Variants in LYPLAL1 observed in about 807,000 individuals in gnomAD.
LYPLAL1 encodes lysophospholipase-like protein 1.
LYPLAL1 carries 23 observed loss-of-function variants against 19.7 expected under a neutral mutation model. The observed-to-expected ratio is 1.17, with a 90% confidence interval of 0.84 to 1.65. The LOEUF (loss-of-function observed/expected upper bound fraction) is 1.65. Among genes scored for constraint, LYPLAL1 ranks in the 40% most tolerant of loss-of-function variants. LYPLAL1 has a pLI of 0.00. For synonymous variants in LYPLAL1, 119 were observed against 96.3 expected (o/e 1.24, Z -1.38); for missense variants, 355 against 279.4 (o/e 1.27, Z -1.93).
the LYPLAL1 span, chr1:219,409,969 T>A: frequency 1.3e-5 from 2 of 152,232 alleles, no homozygotes; most frequent in African/African-American, 4.8e-5. Context: ...AGCCACTACA[T>A]TTGTACCGTT....
chr1:219,252,822 CCTT>C, the LYPLAL1 span, among the ~76,000 whole-genome samples: 1 of 152,024 alleles, frequency 6.6e-6, no homozygotes, highest in Non-Finnish European at 1.5e-5. Context: ...AGGAGTCCCT[CCTT>C]TCCAGTTTTT....
At chr1:219,409,329 G>A in the LYPLAL1 span, among the ~76,000 whole-genome samples, 1 of 151,980 alleles carries the variant, frequency 6.6e-6, no homozygotes, top group African/African-American at 2.4e-5. Flanking sequence ...CATGCCTGTA[G>A]TCCCAGTTAC....
chr1:219,381,754 A>C, the LYPLAL1 span, among the ~76,000 whole-genome samples: 1 of 152,226 alleles, frequency 6.6e-6, no homozygotes, highest in Non-Finnish European at 1.5e-5. Context: ...TCATTCATTC[A>C]AATACTAATG....
the LYPLAL1 span, among the ~76,000 whole-genome samples, chr1:219,419,141 A>C: frequency 3.3e-5 from 5 of 152,220 alleles, no homozygotes; most frequent in Non-Finnish European, 7.3e-5. Flanking sequence ...GTGTGGACAT[A>C]AGTTCTCAAC....
the LYPLAL1 span, among the ~76,000 whole-genome samples, chr1:219,312,315 A>C: frequency 6.6e-6 from 1 of 152,154 alleles, no homozygotes; most frequent in Non-Finnish European, 1.5e-5. Flanking sequence ...TTTGCCAGGG[A>C]CCTCAAGTAT....
chr1:219,190,723 T>A (rs1414523571), intron 2 of LYPLAL1, among the ~76,000 whole-genome samples: 1 of 149,652 alleles, frequency 6.7e-6, no homozygotes, highest in African/African-American at 2.4e-5. Context: ...AACAAATATT[T>A]GTCAATAATA....
rs1035955912 is a variant in LYPLAL1, at chr1:219,195,027, A to G, written c.361+1776A>G. Among the ~76,000 whole-genome samples the G allele has an allele frequency of 5.3e-5, 8 of 152,078 alleles. No homozygotes were observed. The East Asian group carries it at 1.3e-3, about 26-fold the overall frequency. The stretch of plus-strand genomic sequence containing the variant: ...ACGTGATGGCATAATGGTGACAAAA[A>G]TGAGTTCAAATCTACAGTCCACCAC... On this transcript the variant is annotated intron_variant, in intron 3 of 4. Coordinates refer to ENST00000366928, the MANE Select transcript of LYPLAL1 (RefSeq NM_138794.5).
At chr1:219,185,913 A>T (rs1056622416) in intron 2 of LYPLAL1, among the ~76,000 whole-genome samples, 2 of 151,876 alleles carry the variant, frequency 1.3e-5, no homozygotes, top group African/African-American at 4.8e-5. Flanking sequence ...TCATTAGTTA[A>T]AAGACTGCTT....
chr1:219,395,385 G>GT, the LYPLAL1 span, among the ~76,000 whole-genome samples: 13 of 151,948 alleles, frequency 8.6e-5, no homozygotes, highest in South Asian at 2.1e-4. Flanking sequence ...GTGATATTGT[G>GT]TTTTTTTTCT....
chr1:219,297,758 A>C, the LYPLAL1 span, among the ~76,000 whole-genome samples: 1 of 152,210 alleles, frequency 6.6e-6, no homozygotes. Context: ...GACATTTCCC[A>C]GATTCTCTGG....
At chr1:219,381,368 T>C in the LYPLAL1 span, among the ~76,000 whole-genome samples, 6 of 152,222 alleles carry the variant, frequency 3.9e-5, no homozygotes, top group Admixed American at 3.3e-4. Flanking sequence ...CAGTCTCAAG[T>C]AGGTCTTTAT....
At chr1:219,213,102 C>T (rs1035030456), downstream of LYPLAL1, among the ~76,000 whole-genome samples, 1 of 151,936 alleles carries the variant, frequency 6.6e-6, no homozygotes, top group Non-Finnish European at 1.5e-5. Flanking sequence ...TATATTGTGG[C>T]TTAATTTACA....
At chr1:219,365,403 G>T in the LYPLAL1 span, among the ~76,000 whole-genome samples, 1 of 152,078 alleles carries the variant, frequency 6.6e-6, no homozygotes, top group Admixed American at 6.6e-5. Flanking sequence ...AACAAAGTTG[G>T]CAATACACTT....
At chr1:219,306,219 T>G in the LYPLAL1 span, among the ~76,000 whole-genome samples, 1 of 152,232 alleles carries the variant, frequency 6.6e-6, no homozygotes, top group South Asian at 2.1e-4. Context: ...ATGCATTGCA[T>G]TCTCTGGTTT....
At chr1:219,214,066 G>C (rs907963770), downstream of LYPLAL1, among the ~76,000 whole-genome samples, 4 of 152,000 alleles carry the variant, frequency 2.6e-5, no homozygotes, top group African/African-American at 9.7e-5. Context: ...ATTCCTCTCT[G>C]TTCCTGCTTT....
chr1:219,348,503 A>C, the LYPLAL1 span, among the ~76,000 whole-genome samples: 1 of 152,174 alleles, frequency 6.6e-6, no homozygotes, highest in African/African-American at 2.4e-5. Context: ...CAGGTCTGAT[A>C]GATTTTCAAG....
chr1:219,413,869 G>T, the LYPLAL1 span, among the ~76,000 whole-genome samples: 3 of 152,200 alleles, frequency 2.0e-5, no homozygotes, highest in Non-Finnish European at 4.4e-5. Context: ...TTTGGTAGAA[G>T]AATACTTTCC....
chr1:219,219,297 A>T, the LYPLAL1 span, among the ~76,000 whole-genome samples: 1 of 152,206 alleles, frequency 6.6e-6, no homozygotes, highest in Non-Finnish European at 1.5e-5. Flanking sequence ...TTTCCTGAAT[A>T]ACCAAGGTAA....
At chr1:219,207,073 A>C (rs1658634005) in intron 3 of LYPLAL1, among the ~76,000 whole-genome samples, 1 of 152,032 alleles carries the variant, frequency 6.6e-6, no homozygotes, top group South Asian at 2.1e-4. Flanking sequence ...AAAATATAGA[A>C]TTGGTTCCTT....
Sources: gnomAD v4.1 joint callset for allele counts (sites outside exome capture counted in the v4.1 genomes callset) on GRCh38, gnomAD v4.1.1 for gene constraint, MANE v1.5 for transcripts, NCBI Gene and HGNC (gene_info 2026-07-23, HGNC 2026-07-21) for gene names.